The following PLCB1 variants were observed in gnomAD, a reference collection of about 807,000 sequenced individuals.
PLCB1 encodes the protein 1-phosphatidylinositol 4,5-bisphosphate phosphodiesterase beta-1.
PLCB1 carries 46 observed loss-of-function variants against 161.8 expected under a neutral mutation model. That is an observed-to-expected ratio of 0.28 (90% CI 0.22 to 0.36). The LOEUF is 0.36. Ranked by LOEUF, PLCB1 falls within the 10% of genes least tolerant of loss-of-function variation. PLCB1 has a pLI of 1.00. For synonymous variants in PLCB1, 517 were observed against 503.7 expected (o/e 1.03, Z -0.35); for missense variants, 1,016 against 1,472.5 (o/e 0.69, Z 5.07).
At chr20:8,695,138 A>T (rs1990557160) in intron 10 of PLCB1, among the ~76,000 whole-genome samples, 1 of 152,208 alleles carries the variant, frequency 6.6e-6, no homozygotes, top group South Asian at 2.1e-4. Context: ...TGTTGAAAAC[A>T]TCCCATTTTT....
chr20:8,302,354 C>T (rs1380643310), intron 2 of PLCB1, among the ~76,000 whole-genome samples: 1 of 152,208 alleles, frequency 6.6e-6, no homozygotes, highest in African/African-American at 2.4e-5. Flanking sequence ...ATCTACTTCT[C>T]TTTCATGATA....
chr20:8,430,958 C>CA (rs892519144), intron 3 of PLCB1, among the ~76,000 whole-genome samples: 13 of 149,334 alleles, frequency 8.7e-5, no homozygotes, highest in Non-Finnish European at 1.6e-4. Context: ...GACCATGTCT[C>CA]AAAAAAAAGA....
At chr20:8,356,446 G>A (rs895024387) in intron 2 of PLCB1, among the ~76,000 whole-genome samples, 9 of 152,018 alleles carry the variant, frequency 5.9e-5, no homozygotes, top group East Asian at 1.9e-4. Context: ...GCTGGTCCAG[G>A]GACCATACTT....
At chr20:8,304,757 C>T (rs745471060) in intron 2 of PLCB1, among the ~76,000 whole-genome samples, 1 of 151,938 alleles carries the variant, frequency 6.6e-6, no homozygotes, top group Non-Finnish European at 1.5e-5. Flanking sequence ...CTAAGTGCTC[C>T]CATAATCCTC....
chr20:8,160,167 T>C (rs2051608237), intron 2 of PLCB1, among the ~76,000 whole-genome samples: 1 of 152,160 alleles, frequency 6.6e-6, no homozygotes, highest in African/African-American at 2.4e-5. Flanking sequence ...CTCATCTCCA[T>C]CTGAGACCAC....
intron 4 of PLCB1, among the ~76,000 whole-genome samples, chr20:8,638,303 G>A (rs962382742): frequency 6.6e-6 from 1 of 152,132 alleles, no homozygotes; most frequent in African/African-American, 2.4e-5. Context: ...TATTTTTAAT[G>A]AGTGGATCAA....
rs1987086964 is a variant in PLCB1 at position 8,376,525 on chromosome 20, T to TA, written c.246+5076dup. Among the ~76,000 whole-genome samples, 19 of 152,292 alleles carry TA rather than the reference T, an allele frequency of 1.2e-4. No individual in the cohort carries two copies. The South Asian group carries it at 3.7e-3, about 30-fold the overall frequency. On this transcript the variant is annotated intron_variant, in intron 3 of 31. Transcript: ENST00000338037. The stretch of plus-strand genomic sequence containing the variant: ...AGTGACTCTTTCTGCCAGGTACTGT[T>TA]ACAGGTGCTGGAAAACAGCAATGAA...
At chr20:8,255,976 G>A (rs1020903253) in intron 2 of PLCB1, among the ~76,000 whole-genome samples, 1 of 152,038 alleles carries the variant, frequency 6.6e-6, no homozygotes, top group East Asian at 1.9e-4. Context: ...GTTGCCTACA[G>A]AGTTCGATAC....
intron 3 of PLCB1, among the ~76,000 whole-genome samples, chr20:8,615,954 G>T (rs1209639959): frequency 6.6e-6 from 1 of 151,748 alleles, no homozygotes; most frequent in African/African-American, 2.4e-5. Flanking sequence ...CCCCAACAGG[G>T]TCCTTCTCCA....
chr20:8,250,971 C>A (rs1016252581), intron 2 of PLCB1, among the ~76,000 whole-genome samples: 1 of 151,962 alleles, frequency 6.6e-6, no homozygotes, highest in African/African-American at 2.4e-5. Context: ...ACTGCTATTA[C>A]AACAATACCT....
chr20:8,661,274 C>T (rs1045272568), intron 9 of PLCB1, among the ~76,000 whole-genome samples: 1 of 152,130 alleles, frequency 6.6e-6, no homozygotes, highest in East Asian at 1.9e-4. Context: ...TGACCCAAAG[C>T]ATTTGTGCCC....
chr20:8,424,357 G>A (rs1195743559), intron 3 of PLCB1, among the ~76,000 whole-genome samples: 2 of 152,086 alleles, frequency 1.3e-5, no homozygotes, highest in South Asian at 2.1e-4. Flanking sequence ...AAGGCAACAG[G>A]GTATTTGTTT....
chr20:8,837,811 C>T (rs1218165916), intron 31 of PLCB1, among the ~76,000 whole-genome samples: 2 of 152,198 alleles, frequency 1.3e-5, no homozygotes, highest in Admixed American at 1.3e-4. Context: ...AAACTGCAGT[C>T]ACTGAATTGA....
intron 14 of PLCB1, among the ~76,000 whole-genome samples, chr20:8,721,261 G>A (rs533858290): frequency 3.2e-4 from 49 of 152,338 alleles, no homozygotes; most frequent in African/African-American, 1.2e-3. Flanking sequence ...CTGGCAGTGG[G>A]CAGGGGTGCA....
intron 3 of PLCB1, 77 bp downstream of exon 3, chr20:8,371,527 C>G (rs1986903807): frequency 8.1e-6 from 8 of 989,702 alleles, no homozygotes; most frequent in Non-Finnish European, 1.3e-5. Flanking sequence ...ATTAATTGCC[C>G]CAATTAAAAG....
intron 10 of PLCB1, among the ~76,000 whole-genome samples, chr20:8,688,337 T>C (rs1468576103): frequency 6.6e-6 from 1 of 152,240 alleles, no homozygotes; most frequent in Non-Finnish European, 1.5e-5. Flanking sequence ...GCTCTTTAGT[T>C]TAATTAGGTC....
chr20:8,276,722 T>C (rs894029138), intron 2 of PLCB1, among the ~76,000 whole-genome samples: 5 of 152,138 alleles, frequency 3.3e-5, no homozygotes, highest in African/African-American at 1.2e-4. Context: ...ATGTTGGAGA[T>C]AGGCCTCGAG....
At position 8,883,226 on chromosome 20, in the gene PLCB1, T is replaced by A. The variant is rs1988057700; in HGVS notation, c.*1377T>A. The A allele has an allele frequency of 6.6e-6, 1 of 152,162 alleles. No individual in the cohort carries two copies. The highest frequency in any genetic ancestry group is 6.5e-5 in the Admixed American group (1 of 15,274). The allele number at this position is 152,162 out of a possible 1,614,324, so 9.4% of individuals were successfully genotyped here. On this transcript the variant is annotated 3_prime_UTR_variant, in exon 32 of 32. Coordinates refer to ENST00000338037, the MANE Select transcript of PLCB1 (RefSeq NM_015192.4). ...CATTTATTAGTATCTTCCATAATTTTTAAGTCTGACACATTTCTATTTTAT... is the reference window on the plus strand; with the variant it reads ...CATTTATTAGTATCTTCCATAATTTATAAGTCTGACACATTTCTATTTTAT...
intron 31 of PLCB1, among the ~76,000 whole-genome samples, chr20:8,818,452 CAAG>C (rs1008496006): frequency 3.3e-5 from 5 of 151,384 alleles, no homozygotes; most frequent in African/African-American, 9.7e-5. Flanking sequence ...TGCAGTAAGA[CAAG>C]AAGAATAAAT....
Sources: allele counts gnomAD v4.1 joint callset (sites outside exome capture counted in the v4.1 genomes callset), GRCh38; gene constraint gnomAD v4.1.1; transcripts MANE v1.5; gene names NCBI Gene and HGNC (gene_info 2026-07-23, HGNC 2026-07-21).